GLS: variants seen among roughly 807,000 people sequenced by gnomAD.
GLS encodes the protein glutaminase kidney isoform, mitochondrial.
Under a neutral mutation model 86.7 loss-of-function variants are expected in GLS, and 36 were observed. The observed-to-expected ratio is 0.42, with a 90% CI of 0.32 to 0.55. GLS has a LOEUF of 0.55. GLS is among the 20% of genes least tolerant of loss of function. The pLI is 0.17. For missense variants in GLS, 528 were observed against 833.4 expected (o/e 0.63, Z 4.51); for synonymous variants, 317 against 305.9 (o/e 1.04, Z -0.38).
chr2:190,916,634 A>G (rs1224216784), intron 7 of GLS, among the ~76,000 whole-genome samples: 1 of 152,222 alleles, frequency 6.6e-6, no homozygotes, highest in African/African-American at 2.4e-5. Flanking sequence ...ATGAACAAAC[A>G]ATAATCAAAT....
At chr2:190,952,121 A>G (rs1049220357) in intron 14 of GLS, among the ~76,000 whole-genome samples, 1 of 152,188 alleles carries the variant, frequency 6.6e-6, no homozygotes, top group African/African-American at 2.4e-5. Flanking sequence ...ACAACAAGAA[A>G]TGGGAGAGAT....
intron 9 of GLS, among the ~76,000 whole-genome samples, chr2:190,922,450 C>G (rs1035620605): frequency 2.0e-5 from 3 of 152,068 alleles, no homozygotes; most frequent in African/African-American, 7.2e-5. Context: ...TTCCATGAAT[C>G]TCAACTTGCC....
chr2:190,917,603 C>G (rs1689581267), intron 7 of GLS, among the ~76,000 whole-genome samples: 1 of 152,142 alleles, frequency 6.6e-6, no homozygotes, highest in Admixed American at 6.5e-5. Flanking sequence ...ATTATTGCAG[C>G]TATTGCCTTA....
At position 190,951,962 on chromosome 2, in the gene GLS, T is replaced by G. The variant is rs904097317; in HGVS notation, c.1651-1603T>G. Among the ~76,000 whole-genome samples the G allele has an allele frequency of 3.9e-5, 6 of 152,148 alleles. No homozygotes were observed. Among genetic ancestry groups the G allele is most frequent in the Non-Finnish European group, 4.4e-5 (3 of 68,026 alleles). ...GCTCATGCCTGTAATCCCAACAGTT[T>G]GGGAGGCCAAGGCAGAAGGATTGCT... On this transcript the variant is annotated intron_variant, in intron 14 of 17. Coordinates refer to ENST00000320717, the MANE Select transcript of GLS (RefSeq NM_014905.5). This position sits in a 1 kb window ranked among gnomAD's most constrained non-coding sequence, Gnocchi z 4.2.
In GLS at chr2:190,939,330, C is replaced by T. The variant is rs186127053; in HGVS notation, c.1650+7693C>T. 3.0e-3 allele frequency among the ~76,000 whole-genome samples: 459 copies of T among 151,714 alleles called. 8 individuals carry two copies. Among genetic ancestry groups the T allele is most frequent in the African/African-American group, 0.01 (427 of 41,512 alleles). ...ACTTTTGAAAGGCTTTGTTGACTTA[C>T]AAAATGTTAAAACTTAAATATTGTT... On this transcript the variant is annotated intron_variant, in intron 14 of 17. Transcript: ENST00000320717.
At chr2:190,894,833 A>G (rs1449443152) in intron 1 of GLS, among the ~76,000 whole-genome samples, 1 of 152,216 alleles carries the variant, frequency 6.6e-6, no homozygotes, top group Non-Finnish European at 1.5e-5. Flanking sequence ...TATAATTTGT[A>G]TTGGGTGATT....
chr2:190,934,719 A>G (rs1391699632), intron 14 of GLS: 2 of 977,296 alleles, frequency 2.0e-6, no homozygotes, highest in East Asian at 2.3e-4. Flanking sequence ...TAGATTTCAA[A>G]ATTAGGTTGT....
chr2:190,924,389 T>C lies in GLS; in HGVS notation c.1198-154T>C, dbSNP rs540763648. Among the ~76,000 whole-genome samples the C allele has an allele frequency of 3.9e-5, 6 of 152,332 alleles. No individual in the cohort carries two copies. In the South Asian group the frequency reaches 1.2e-3, roughly 32 times the overall value. ...CTTACATGATGTGATAAAATTTTGC[T>C]TTTTTATTTCATGTTTATACTCTTT... On this transcript the variant is annotated intron_variant, in intron 10 of 17. Transcript: ENST00000320717. This position sits in a 1 kb window ranked among gnomAD's most constrained non-coding sequence, Gnocchi z 5.2.
chr2:190,954,526 C>G lies in GLS; in HGVS notation c.1713-58C>G, dbSNP rs1052079836. 1.8e-6 allele frequency: 2 copies of G among 1,093,466 alleles called. No individual in the cohort carries two copies. Among genetic ancestry groups the G allele is most frequent in the South Asian group, 2.8e-5 (2 of 70,458 alleles). The allele number at this position is 1,093,466 out of a possible 1,614,324, so 67.7% of individuals were successfully genotyped here. A position where few individuals can be genotyped will look rare whatever the true frequency, so the allele number is the denominator to read the frequency against. On this transcript the variant is annotated intron_variant, in intron 15 of 17. Transcript: ENST00000320717. This position sits in a 1 kb window ranked among gnomAD's most constrained non-coding sequence, Gnocchi z 4.0. Reference sequence around the variant, plus strand: ...AAATGAACTGATGGAGTGAATGTTACCAGTGTGAATTAAATTTGCTTTATA... The same window carrying G: ...AAATGAACTGATGGAGTGAATGTTAGCAGTGTGAATTAAATTTGCTTTATA...
At chr2:190,883,944 C>G (rs1462212719) in intron 1 of GLS, among the ~76,000 whole-genome samples, 1 of 152,126 alleles carries the variant, frequency 6.6e-6, no homozygotes, top group Non-Finnish European at 1.5e-5. Flanking sequence ...GAACTAATGT[C>G]ACTTTAGACT....
chr2:190,907,163 A>G (rs1368466973), intron 6 of GLS, among the ~76,000 whole-genome samples: 2 of 151,790 alleles, frequency 1.3e-5, no homozygotes, highest in African/African-American at 4.8e-5. Context: ...TGACCTCGTG[A>G]TCTGCCCGCC....
intron 1 of GLS, among the ~76,000 whole-genome samples, chr2:190,886,860 G>T (rs904778725): frequency 6.6e-6 from 1 of 150,574 alleles, no homozygotes; most frequent in African/African-American, 2.4e-5. Context: ...AGGTTGCAGT[G>T]AGCCGAGATC....
At chr2:190,889,334 T>A (rs1273577149) in intron 1 of GLS, among the ~76,000 whole-genome samples, 1 of 152,206 alleles carries the variant, frequency 6.6e-6, no homozygotes, top group African/African-American at 2.4e-5. Context: ...GCTGCTTTCT[T>A]CTCTTCTGTT....
intron 7 of GLS, among the ~76,000 whole-genome samples, chr2:190,915,023 C>CA (rs944121053): frequency 8.9e-5 from 13 of 146,704 alleles, no homozygotes. Flanking sequence ...TTATAATTTA[C>CA]TTTTTTTTTT....
rs558439962 is a variant in GLS at position 190,963,666 on chromosome 2, C to T, written c.*680C>T. ...TTTTTCTATATCCCCTTAGTCCAGC[C>T]TCTCTTCTCAGACATTTAGCTATCT... On this transcript the variant is annotated 3_prime_UTR_variant, in exon 18 of 18. Transcript: ENST00000320717. 2 of 152,716 alleles carry T rather than the reference C, an allele frequency of 1.3e-5. No individual in the cohort carries two copies. The highest frequency in any genetic ancestry group is 3.9e-4 in the East Asian group (2 of 5,190). 9.5% of individuals were successfully genotyped at this position (152,716 alleles called of 1,614,324 possible).
chr2:190,953,382 T>C lies in GLS; in HGVS notation c.1651-183T>C, dbSNP rs1690770204. Among the ~76,000 whole-genome samples the C allele has an allele frequency of 6.6e-6, 1 of 152,186 alleles. No homozygotes were observed. The highest frequency in any genetic ancestry group is 2.4e-5 in the African/African-American group (1 of 41,444). ...TATTGAATTTTCCCTCACAATCCAC[T>C]GTTAAAAGAAGAAAGTATCACACAC... On this transcript the variant is annotated intron_variant, in intron 14 of 17. Coordinates refer to ENST00000320717, the MANE Select transcript of GLS (RefSeq NM_014905.5). This position sits in a 1 kb window ranked among gnomAD's most constrained non-coding sequence, Gnocchi z 4.0.
chr2:190,948,750 G>C (rs1282444720), intron 14 of GLS, among the ~76,000 whole-genome samples: 1 of 152,206 alleles, frequency 6.6e-6, no homozygotes, highest in East Asian at 1.9e-4. Flanking sequence ...AAGGTAGACG[G>C]AGATTACTTT....
chr2:190,932,067 A>G (rs1245667023), intron 14 of GLS, among the ~76,000 whole-genome samples: 4 of 152,008 alleles, frequency 2.6e-5, no homozygotes, highest in Non-Finnish European at 5.9e-5. Flanking sequence ...TACTGTGTAG[A>G]TGGATATGTA....
In GLS at chr2:190,930,521, C is replaced by T. The variant is rs760909647; in HGVS notation, c.1510C>T (p.Pro504Ser). 2 of 1,612,756 alleles carry T rather than the reference C, an allele frequency of 1.2e-6. No individual in the cohort carries two copies. The highest frequency in any genetic ancestry group is 4.5e-5 in the East Asian group (2 of 44,874). Reference sequence around the variant, plus strand: ...TATGGGTATGATGTGCTGGTCTCCTCCTCTGGATAAGATGGGCAACAGTGT... The same window carrying T: ...TATGGGTATGATGTGCTGGTCTCCTTCTCTGGATAAGATGGGCAACAGTGT... ...NVMGMMCWSP[P>S]LDKMGNSVKG... Residue 504 changes from proline (P) to serine (S), a missense_variant, in exon 13 of 18, where the codon CCT becomes TCT. Physicochemically the swap from Pro to Ser is moderately conservative, Grantham distance 74. Transcript: ENST00000320717. This position sits in a 1 kb window ranked among gnomAD's most constrained non-coding sequence, Gnocchi z 5.0.
Sources: gnomAD v4.1 joint callset for allele counts (sites outside exome capture counted in the v4.1 genomes callset) on GRCh38, gnomAD v4.1.1 for gene constraint, Gnocchi (gnomAD v3.1) non-coding constraint, MANE v1.5 for transcripts, NCBI Gene and HGNC (gene_info 2026-07-23, HGNC 2026-07-21) for gene names.